NADSYN1: variants seen among roughly 807,000 people sequenced by gnomAD.
NADSYN1 encodes glutamine-dependent NAD(+) synthetase.
NADSYN1 carries 80 observed loss-of-function variants against 99.3 expected under a neutral mutation model. That is an observed-to-expected ratio of 0.81 (90% CI 0.67 to 0.97). NADSYN1 has a LOEUF of 0.97. NADSYN1 is among the 50% of genes least tolerant of loss of function. The pLI is 0.00. For missense variants in NADSYN1, 859 were observed against 948.5 expected (o/e 0.91, Z 1.24); for synonymous variants, 385 against 372.1 (o/e 1.03, Z -0.40).
intron 19 of NADSYN1, 108 bp from the exon 20 acceptor site, chr11:71,498,244 C>A: frequency 7.8e-7 from 1 of 1,275,674 alleles, no homozygotes; most frequent in Non-Finnish European, 1.1e-6. Flanking sequence ...AGGTCCTGTG[C>A]GGGGAGTAAC....
rs200227863 is a variant in NADSYN1, at chr11:71,482,011, C to T, written c.1136C>T (p.Ala379Val). 2.5e-6 allele frequency: 4 copies of T among 1,611,338 alleles called. No individual in the cohort carries two copies. Among genetic ancestry groups the T allele is most frequent in the African/African-American group, 2.7e-5 (2 of 74,968 alleles). ...IYSMCCQVCE[A>V]VRSGNEEVLA... ...TCCATGTGCTGCCAGGTCTGCGAGGCCGTGAGGAGTGGAAGTAGGTGACAT... is the reference window on the plus strand; with the variant it reads ...TCCATGTGCTGCCAGGTCTGCGAGGTCGTGAGGAGTGGAAGTAGGTGACAT... The change falls in exon 13 of 21, where the codon GCC becomes GTC. Residue 379 changes from alanine to valine, a missense_variant. Transcript: ENST00000319023.
intron 6 of NADSYN1, among the ~76,000 whole-genome samples, chr11:71,472,816 T>C (rs963377205): frequency 6.6e-6 from 1 of 152,242 alleles, no homozygotes; most frequent in Non-Finnish European, 1.5e-5. Flanking sequence ...TTCTGACATT[T>C]AAGTGTTATC....
chr11:71,492,589 C>A (rs574662586), intron 18 of NADSYN1, among the ~76,000 whole-genome samples: 1 of 152,272 alleles, frequency 6.6e-6, no homozygotes, highest in African/African-American at 2.4e-5. Context: ...TATTTCTGGA[C>A]ACTCAATTCT....
At chr11:71,453,452 C>A in intron 1 of NADSYN1, 71 bp downstream of exon 1, 3 of 1,399,296 alleles carry the variant, frequency 2.1e-6, no homozygotes, top group Non-Finnish European at 2.0e-6. Flanking sequence ...CAGGCTTGCC[C>A]GTGGCGTGCT....
At chr11:71,478,030 G>GGGGTGTGTCTTACTGACAT (rs1565602002) in intron 9 of NADSYN1, among the ~76,000 whole-genome samples, 1 of 146,212 alleles carries the variant, frequency 6.8e-6, no homozygotes, top group Non-Finnish European at 1.5e-5. Flanking sequence ...CTTACTGACA[G>GGGGTGTGTCTTACTGACAT]GGGTGTGTCT....
chr11:71,469,297 C>G (rs1173855630), intron 5 of NADSYN1, among the ~76,000 whole-genome samples: 6 of 152,094 alleles, frequency 3.9e-5, no homozygotes, highest in Non-Finnish European at 8.8e-5. Context: ...GGTGAAACCC[C>G]CTCTCTACCA....
intron 5 of NADSYN1, chr11:71,464,402 G>T: frequency 2.4e-6 from 1 of 408,734 alleles, no homozygotes; most frequent in Admixed American, 3.9e-5. Flanking sequence ...ACAATGTCCC[G>T]GGGTTTAAAT....
chr11:71,476,452 G>A (rs1217943632), intron 9 of NADSYN1: 1 of 243,468 alleles, frequency 4.1e-6, no homozygotes. Flanking sequence ...CAGCATAGGT[G>A]TGGTCAGCAC....
chr11:71,455,060 T>C, intron 1 of NADSYN1, 50 bp from the exon 2 acceptor site: 3 of 1,388,004 alleles, frequency 2.2e-6, no homozygotes, highest in Non-Finnish European at 2.0e-6. Context: ...TGTCTTTGAG[T>C]GTATAGGTGC....
chr11:71,492,981 T>C (rs1949793517), intron 18 of NADSYN1, among the ~76,000 whole-genome samples: 1 of 151,856 alleles, frequency 6.6e-6, no homozygotes, highest in Admixed American at 6.6e-5. Flanking sequence ...TCCACCTCCC[T>C]GGCTCAAGCG....
rs1255088859 is a variant in NADSYN1 at position 71,501,572 on chromosome 11, C to T, written c.*220C>T. 1.8e-6 allele frequency: 1 copy of T among 548,460 alleles called. No homozygotes were observed. The highest frequency in any genetic ancestry group is 3.2e-6 in the Non-Finnish European group (1 of 312,766). 34.0% of individuals were successfully genotyped at this position (548,460 alleles called of 1,614,324 possible). A position where few individuals can be genotyped will look rare whatever the true frequency, so the allele number is the denominator to read the frequency against. The stretch of plus-strand genomic sequence containing the variant: ...AATCCAATGCACATGATTTTGACCT[C>T]CCGCCAGCGTGCGCTTCCCCGCGAA... On this transcript the variant is annotated 3_prime_UTR_variant, in exon 21 of 21. Transcript: ENST00000319023.
In NADSYN1 at chr11:71,472,474, C is replaced by G. The variant is rs377293748; in HGVS notation, c.433C>G (p.Arg145Gly). Residue 145 changes from arginine to glycine, a missense_variant, in exon 6 of 21, where the codon CGG becomes GGG. By Grantham distance (125) the Arg-to-Gly change is moderately radical. Coordinates refer to ENST00000319023, the MANE Select transcript of NADSYN1 (RefSeq NM_018161.5). ...GCACACAGAGGAGTACTTTCTGCCT[C>G]GGATGATACAGGACCTGACAAAGCA... is the stretch of plus-strand genomic sequence containing the variant. ...SRHTEEYFLPRMIQDLTKQET... is the reference protein window; with the variant it reads ...SRHTEEYFLPGMIQDLTKQET... 4 of 1,613,828 alleles carry G rather than the reference C, an allele frequency of 2.5e-6. No homozygotes were observed. The Admixed American group carries it at 5.0e-5, about 20-fold the overall frequency.
In NADSYN1 at chr11:71,483,108, C is replaced by T. The variant is rs968785004; in HGVS notation, c.1319+91C>T. On this transcript the variant is annotated intron_variant, in intron 14 of 20. Coordinates refer to ENST00000319023, the MANE Select transcript of NADSYN1 (RefSeq NM_018161.5). ...CGCCTGTGAGTGCATTGGTGACTGG[C>T]TTCATTCATTCCGCATCGTGTCATC... is the stretch of plus-strand genomic sequence containing the variant. 4.1e-6 allele frequency: 6 copies of T among 1,469,982 alleles called. No individual in the cohort carries two copies. The Admixed American group carries it at 7.1e-5, about 17-fold the overall frequency. 91.1% of individuals were successfully genotyped at this position (1,469,982 alleles called of 1,614,324 possible).
chr11:71,480,646 T>G, intron 10 of NADSYN1, 109 bp from the exon 11 acceptor site: 1 of 1,549,328 alleles, frequency 6.5e-7, no homozygotes, highest in East Asian at 2.3e-5. Flanking sequence ...CACTGTGGTT[T>G]TGACATGCGT....
intron 3 of NADSYN1, chr11:71,460,746 T>C (rs1185823455): frequency 6.6e-6 from 1 of 152,210 alleles, no homozygotes; most frequent in Non-Finnish European, 1.5e-5. Context: ...GGAGGCTCCA[T>C]TGAACAAAAC....
At chr11:71,468,547 A>C (rs1015649446) in intron 5 of NADSYN1, among the ~76,000 whole-genome samples, 7 of 152,274 alleles carry the variant, frequency 4.6e-5, no homozygotes, top group African/African-American at 1.7e-4. Flanking sequence ...GAAGACTAAA[A>C]AGGAAAAAAT....
intron 18 of NADSYN1, among the ~76,000 whole-genome samples, chr11:71,494,624 C>T (rs1949807699): frequency 6.6e-6 from 1 of 152,154 alleles, no homozygotes; most frequent in Admixed American, 6.5e-5. Flanking sequence ...GATCTCGGCT[C>T]ACTGAAACCT....
chr11:71,497,986 G>A (rs913835138), intron 19 of NADSYN1, among the ~76,000 whole-genome samples: 4 of 152,212 alleles, frequency 2.6e-5, no homozygotes, highest in East Asian at 3.8e-4. Flanking sequence ...ATAAATCTTC[G>A]CAGGATTTAT....
chr11:71,498,875 T>G (rs1949838373), intron 20 of NADSYN1: 1 of 183,336 alleles, frequency 5.5e-6, no homozygotes, highest in Non-Finnish European at 1.1e-5. Context: ...AATTTTCCTA[T>G]ATTAACTACA....
Sources: allele counts gnomAD v4.1 joint callset (sites outside exome capture counted in the v4.1 genomes callset), GRCh38; gene constraint gnomAD v4.1.1; transcripts MANE v1.5; gene names NCBI Gene and HGNC (gene_info 2026-07-23, HGNC 2026-07-21).